PHACTR2: variants seen among roughly 807,000 people sequenced by gnomAD.
PHACTR2 encodes the protein phosphatase and actin regulator 2.
In PHACTR2, 30 loss-of-function variants were observed where a neutral mutation model predicts 76.0. The ratio of observed to expected loss-of-function variants is 0.39; its 90% CI spans 0.30 to 0.54. The LOEUF is 0.54. PHACTR2 is among the 20% of genes least tolerant of loss of function. PHACTR2 has a pLI of 0.61. For missense variants in PHACTR2, 696 were observed against 781.1 expected (o/e 0.89, Z 1.30); for synonymous variants, 292 against 292.5 (o/e 1.00, Z 0.02).
intron 6 of PHACTR2, among the ~76,000 whole-genome samples, chr6:143,771,021 C>T (rs1775088651): frequency 7.2e-6 from 1 of 139,784 alleles, no homozygotes; most frequent in Non-Finnish European, 1.5e-5. Flanking sequence ...TGCACATTGT[C>T]TGTTATGTTA....
At chr6:143,579,250 A>G (rs1375039570) in intron 1 of PHACTR2, among the ~76,000 whole-genome samples, 1 of 152,212 alleles carries the variant, frequency 6.6e-6, no homozygotes, top group Non-Finnish European at 1.5e-5. Flanking sequence ...GTGAACAAGA[A>G]GGGAAAGGTG....
In PHACTR2 at chr6:143,824,697, GCCTGCAGTTAGT is replaced by G. The variant is rs1234575289; in HGVS notation, c.*1015_*1026del. The G allele has an allele frequency of 6.6e-6, 1 of 152,376 alleles. No homozygotes were observed. The highest frequency in any genetic ancestry group is 1.5e-5 in the Non-Finnish European group (1 of 68,018). 9.4% of individuals were successfully genotyped at this position (152,376 alleles called of 1,614,324 possible). On this transcript the variant is annotated 3_prime_UTR_variant, in exon 13 of 13. Coordinates refer to ENST00000440869, the MANE Select transcript of PHACTR2 (RefSeq NM_001100164.2). This position sits in a 1 kb window ranked among gnomAD's most constrained non-coding sequence, Gnocchi z 6.3. ...AACTTAAGCAAGATACAAATGTGCT[GCCTGCAGTTAGT>G]CCTGCATGGGAATAAGGACTAGTTA...
In PHACTR2 at chr6:143,783,660, G is replaced by A. The variant is rs1233291074; in HGVS notation, c.1707+380G>A. Among the ~76,000 whole-genome samples, 2 of 152,074 alleles carry A rather than the reference G, an allele frequency of 1.3e-5. No homozygotes were observed. The highest frequency in any genetic ancestry group is 1.9e-4 in the East Asian group (1 of 5,190). ...ATAAAATAAAACAAATCAATATAAT[G>A]CACATGCTATGAGTGATGTTTCTGA... On this transcript the variant is annotated intron_variant, in intron 10 of 12. Transcript: ENST00000440869. This position sits in a 1 kb window ranked among gnomAD's most constrained non-coding sequence, Gnocchi z 5.2.
rs959920359 is a variant in PHACTR2, at chr6:143,623,441, G to T, written c.13+15119G>T. Among the ~76,000 whole-genome samples, 1 of 152,146 alleles carries T rather than the reference G, an allele frequency of 6.6e-6. No homozygotes were observed. Among genetic ancestry groups the T allele is most frequent in the Non-Finnish European group, 1.5e-5 (1 of 68,024 alleles). On this transcript the variant is annotated intron_variant, in intron 1 of 11. Coordinates refer to the PHACTR2 transcript ENST00000305766. The surrounding 1 kb of genome is among the most constrained non-coding windows in gnomAD (Gnocchi z 5.9). ...TATACAAAAATTAGCCGGGCATGGT[G>T]GTGCATGCCTGTAGTCCCAGCTACG... is the stretch of plus-strand genomic sequence containing the variant.
intron 12 of PHACTR2, among the ~76,000 whole-genome samples, chr6:143,808,493 A>G (rs1562315281): frequency 1.3e-5 from 2 of 152,140 alleles, no homozygotes. Flanking sequence ...AGAGCATAAA[A>G]CGATACTGTA....
At chr6:143,815,231 G>A (rs1203411323) in intron 12 of PHACTR2, among the ~76,000 whole-genome samples, 1 of 152,100 alleles carries the variant, frequency 6.6e-6, no homozygotes, top group Non-Finnish European at 1.5e-5. Context: ...AATGATAAGA[G>A]CCCAGCCAGT....
chr6:143,566,428 G>A (rs1775364071), intron 1 of PHACTR2, among the ~76,000 whole-genome samples: 1 of 151,950 alleles, frequency 6.6e-6, no homozygotes, highest in Non-Finnish European at 1.5e-5. Flanking sequence ...CAAGTAGCTG[G>A]GACTACAGGC....
At position 143,619,023 on chromosome 6, in the gene PHACTR2, A is replaced by G. The variant is rs1181998047; in HGVS notation, c.13+10701A>G. On this transcript the variant is annotated intron_variant, in intron 1 of 11. Transcript: ENST00000305766. This position sits in a 1 kb window ranked among gnomAD's most constrained non-coding sequence, Gnocchi z 4.5. ...GCTGTGTCTTTTATTGTGTGCTACT[A>G]CTTATATAGAAACTCTGAATTAATT... Among the ~76,000 whole-genome samples, 1 of 152,118 alleles carries G rather than the reference A, an allele frequency of 6.6e-6. No homozygotes were observed. The highest frequency in any genetic ancestry group is 1.5e-5 in the Non-Finnish European group (1 of 68,024).
At chr6:143,567,487 C>T (rs1311983478) in intron 1 of PHACTR2, among the ~76,000 whole-genome samples, 1 of 152,232 alleles carries the variant, frequency 6.6e-6, no homozygotes, top group Non-Finnish European at 1.5e-5. Context: ...CAACCTCCAC[C>T]TCCTGGATTC....
In PHACTR2 at chr6:143,770,925, CTT is replaced by C. The variant is rs72471881; in HGVS notation, c.1233-1318_1233-1317del. 1.0e-3 allele frequency among the ~76,000 whole-genome samples: 121 copies of C among 119,172 alleles called. 1 individual carries two copies. Among genetic ancestry groups the C allele is most frequent in the Middle Eastern group, 8.7e-3 (2 of 230 alleles). The allele number at this position is 119,172 out of a possible 152,430, so 78.2% of individuals were successfully genotyped here. A position where few individuals can be genotyped will look rare whatever the true frequency, so the allele number is the denominator to read the frequency against. ...TATCACCTTTTTTCTTTCTTTCTTT[CTT>C]TTTTTTTTTTTTTTGAGATGGAGTC... is the stretch of plus-strand genomic sequence containing the variant. On this transcript the variant is annotated intron_variant, in intron 6 of 12. Transcript: ENST00000440869.
chr6:143,583,325 G>A lies in PHACTR2; in HGVS notation c.217+46118G>A, dbSNP rs1775595055. ...GAATGGGTTACAGAAACACATGCTA[G>A]CAGCAGTCCTCAGATTGTTGCCCAG... On this transcript the variant is annotated intron_variant, in intron 1 of 11. Transcript: ENST00000367584. The surrounding 1 kb of genome is among the most constrained non-coding windows in gnomAD (Gnocchi z 4.0). Among the ~76,000 whole-genome samples the A allele has an allele frequency of 6.6e-6, 1 of 152,234 alleles. No individual in the cohort carries two copies. Among genetic ancestry groups the A allele is most frequent in the Admixed American group, 6.5e-5 (1 of 15,282 alleles).
rs536091748 is a variant in PHACTR2 at position 143,789,256 on chromosome 6, C to T, written c.1845+346C>T. On this transcript the variant is annotated intron_variant, in intron 11 of 12. Transcript: ENST00000440869. The surrounding 1 kb of genome is among the most constrained non-coding windows in gnomAD (Gnocchi z 5.1). ...TATGTTAATAGAAAGGTTTAATCTTCGTCGAGACTGGCACACTTTTAATAG... is the reference window on the plus strand; with the variant it reads ...TATGTTAATAGAAAGGTTTAATCTTTGTCGAGACTGGCACACTTTTAATAG... 1.1e-3 allele frequency: 192 copies of T among 169,598 alleles called. 1 individual carries two copies. Among genetic ancestry groups the T allele is most frequent in the African/African-American group, 4.1e-3 (172 of 42,356 alleles). 10.5% of individuals were successfully genotyped at this position (169,598 alleles called of 1,614,324 possible).
At position 143,756,698 on chromosome 6, in the gene PHACTR2, CAAA is replaced by C. The variant is rs10538549; in HGVS notation, c.454+2801_454+2803del. ...TGGGCGACAGAGCGAGACTCCGTCTCAAAAAAAAAAAAAAAAAGAGCAGAAAAA... is the reference window on the plus strand; with the variant it reads ...TGGGCGACAGAGCGAGACTCCGTCTCAAAAAAAAAAAAAAGAGCAGAAAAA... On this transcript the variant is annotated intron_variant, in intron 4 of 12. Coordinates refer to ENST00000440869, the MANE Select transcript of PHACTR2 (RefSeq NM_001100164.2). 4.6e-4 allele frequency among the ~76,000 whole-genome samples: 56 copies of C among 122,714 alleles called. 1 individual carries two copies. Among genetic ancestry groups the C allele is most frequent in the Middle Eastern group, 4.9e-3 (1 of 206 alleles). The allele number at this position is 122,714 out of a possible 152,430, so 80.5% of individuals were successfully genotyped here.
In PHACTR2 at chr6:143,825,894, T is replaced by C. The variant is rs1776520867; in HGVS notation, c.*2205T>C. On this transcript the variant is annotated 3_prime_UTR_variant, in exon 13 of 13. Transcript: ENST00000440869. The surrounding 1 kb of genome is among the most constrained non-coding windows in gnomAD (Gnocchi z 4.1). Reference sequence around the variant, plus strand: ...TTGATGCCTGTGATGCAATTTTTTATTGCCTACAATGAGATACACTTAGTA... The same window carrying C: ...TTGATGCCTGTGATGCAATTTTTTACTGCCTACAATGAGATACACTTAGTA... 1 of 152,148 alleles carries C rather than the reference T, an allele frequency of 6.6e-6. No individual in the cohort carries two copies. Among genetic ancestry groups the C allele is most frequent in the African/African-American group, 2.4e-5 (1 of 41,426 alleles). 9.4% of individuals were successfully genotyped at this position (152,148 alleles called of 1,614,324 possible).
At position 143,539,459 on chromosome 6, in the gene PHACTR2, C is replaced by A. The variant is rs1421483789; in HGVS notation, c.217+2252C>A. On this transcript the variant is annotated intron_variant, in intron 1 of 11. Coordinates refer to the PHACTR2 transcript ENST00000367584. The surrounding 1 kb of genome is among the most constrained non-coding windows in gnomAD (Gnocchi z 4.3). Reference sequence around the variant, plus strand: ...TTCACTGACACACAGAGTATTTCTCCAGCATGCCCCACAGCCTCTGCAGCC... The same window carrying A: ...TTCACTGACACACAGAGTATTTCTCAAGCATGCCCCACAGCCTCTGCAGCC... Among the ~76,000 whole-genome samples, 1 of 152,198 alleles carries A rather than the reference C, an allele frequency of 6.6e-6. No individual in the cohort carries two copies. Among genetic ancestry groups the A allele is most frequent in the African/African-American group, 2.4e-5 (1 of 41,434 alleles).
At chr6:143,810,503 C>A in intron 12 of PHACTR2, 2 of 444,018 alleles carry the variant, frequency 4.5e-6, no homozygotes, top group Non-Finnish European at 9.1e-6. Flanking sequence ...TACCCCATTT[C>A]ATTGATTTCT....
chr6:143,723,891 AT>A (rs536770995), intron 2 of PHACTR2, among the ~76,000 whole-genome samples: 231 of 151,274 alleles, frequency 1.5e-3, no homozygotes, highest in African/African-American at 5.0e-3. Context: ...CTTGGTTCCT[AT>A]TTTTTCCTCA....
chr6:143,607,519 C>T (rs1249827485), upstream of PHACTR2, among the ~76,000 whole-genome samples: 1 of 152,342 alleles, frequency 6.6e-6, no homozygotes, highest in Non-Finnish European at 1.5e-5. Context: ...ACTGTAGAAT[C>T]CCCTAACCTC....
chr6:143,671,695 A>G lies in PHACTR2; in HGVS notation c.14-40321A>G, dbSNP rs1777155727. Among the ~76,000 whole-genome samples the G allele has an allele frequency of 6.6e-6, 1 of 152,242 alleles. No homozygotes were observed. Among genetic ancestry groups the G allele is most frequent in the African/African-American group, 2.4e-5 (1 of 41,456 alleles). The stretch of plus-strand genomic sequence containing the variant: ...ACAAAGACTGGTAAAAAGGAGATGC[A>G]TAATAAATATTTGTTGAGTGGTGAA... On this transcript the variant is annotated intron_variant, in intron 1 of 11. Coordinates refer to the PHACTR2 transcript ENST00000305766. The surrounding 1 kb of genome is among the most constrained non-coding windows in gnomAD (Gnocchi z 4.6).
Sources: gnomAD v4.1 joint callset for allele counts (sites outside exome capture counted in the v4.1 genomes callset) on GRCh38, gnomAD v4.1.1 for gene constraint, Gnocchi (gnomAD v3.1) non-coding constraint, MANE v1.5 for transcripts, NCBI Gene and HGNC (gene_info 2026-07-23, HGNC 2026-07-21) for gene names.